LHPP: variants seen among roughly 807,000 people sequenced by gnomAD.
LHPP encodes the protein hLHPP.
Under a neutral mutation model 30.3 loss-of-function variants are expected in LHPP, and 24 were observed. That is an observed-to-expected ratio of 0.79 (90% CI 0.57 to 1.11). The LOEUF is 1.11. LHPP is among the 50% of genes most tolerant of loss of function. The probability of loss-of-function intolerance (pLI) is 0.00; values close to 1 mark genes in which losing one functional copy is unlikely to be tolerated. For synonymous variants in LHPP, 150 were observed against 157.1 expected (o/e 0.95, Z 0.34); for missense variants, 356 against 367.2 (o/e 0.97, Z 0.25).
chr10:124,490,541 T>C, intron 3 of LHPP: 1 of 352,974 alleles, frequency 2.8e-6, no homozygotes. Context: ...AAAAAGGAGT[T>C]CATAAATAGC....
intron 6 of LHPP, among the ~76,000 whole-genome samples, chr10:124,545,796 G>T (rs1049826579): frequency 1.3e-5 from 2 of 152,164 alleles, no homozygotes; most frequent in African/African-American, 4.8e-5. Context: ...GGCATAATTT[G>T]GGTCTGTAAA....
intron 2 of LHPP, among the ~76,000 whole-genome samples, chr10:124,485,140 G>A (rs866387254): frequency 6.6e-6 from 1 of 151,948 alleles, no homozygotes; most frequent in Non-Finnish European, 1.5e-5. Flanking sequence ...CCTAGATGTC[G>A]ACTTCATAGC....
chr10:124,476,918 A>G (rs1369543829), intron 1 of LHPP, among the ~76,000 whole-genome samples: 2 of 152,154 alleles, frequency 1.3e-5, no homozygotes, highest in African/African-American at 4.8e-5. Flanking sequence ...TATTAAAAAC[A>G]TTTCAAGGCC....
intron 5 of LHPP, among the ~76,000 whole-genome samples, chr10:124,509,198 A>G (rs960321655): frequency 2.0e-5 from 3 of 152,184 alleles, no homozygotes; most frequent in Admixed American, 6.5e-5. Context: ...TGCAAACGAC[A>G]TGACCTTGTT....
At chr10:124,552,733 C>T (rs750632568) in intron 6 of LHPP, among the ~76,000 whole-genome samples, 14 of 152,176 alleles carry the variant, frequency 9.2e-5, no homozygotes, top group Non-Finnish European at 2.1e-4. Context: ...CCAAGGTCCC[C>T]GCCTGCAAAG....
intron 6 of LHPP, among the ~76,000 whole-genome samples, chr10:124,579,246 C>T (rs1224518759): frequency 6.6e-6 from 1 of 152,248 alleles, no homozygotes; most frequent in Non-Finnish European, 1.5e-5. Context: ...GGGCGCTGGC[C>T]AGTCTGAGTC....
At chr10:124,588,274 C>T (rs1312880801) in intron 6 of LHPP, among the ~76,000 whole-genome samples, 1 of 148,764 alleles carries the variant, frequency 6.7e-6, no homozygotes, top group African/African-American at 2.6e-5. Context: ...GGAGCAGCCA[C>T]TTATGCTTTT....
chr10:124,518,868 C>T (rs936871707), intron 6 of LHPP, among the ~76,000 whole-genome samples: 2 of 152,228 alleles, frequency 1.3e-5, no homozygotes, highest in African/African-American at 4.8e-5. Context: ...TACCTGCATG[C>T]TATTTAAAGA....
rs568945384 is a variant in LHPP, at chr10:124,477,788, G to T, written c.126-6351G>T. On this transcript the variant is annotated intron_variant, in intron 1 of 6. Coordinates refer to ENST00000368842, the MANE Select transcript of LHPP (RefSeq NM_022126.4). ...ATTTCTCAAATTCCAGCCTCACTTT[G>T]TGGGCCAGGCAGCCCTTCTGACCTA... Among the ~76,000 whole-genome samples, 247 of 152,304 alleles carry T rather than the reference G, an allele frequency of 1.6e-3. 1 individual carries two copies. Among genetic ancestry groups the T allele is most frequent in the Non-Finnish European group, 3.1e-3 (214 of 68,018 alleles).
chr10:124,548,452 TGCG>T (rs1182509072), intron 6 of LHPP, among the ~76,000 whole-genome samples: 3 of 152,186 alleles, frequency 2.0e-5, no homozygotes, highest in African/African-American at 7.2e-5. Flanking sequence ...GATTTTTGTC[TGCG>T]GTGCATAATC....
chr10:124,573,957 AC>A (rs1948621856), intron 6 of LHPP, among the ~76,000 whole-genome samples: 2 of 151,782 alleles, frequency 1.3e-5, no homozygotes, highest in East Asian at 3.9e-4. Context: ...TCAAAAAGCC[AC>A]CCCCACAGCC....
intron 5 of LHPP, among the ~76,000 whole-genome samples, chr10:124,515,140 G>C (rs752172321): frequency 5.3e-4 from 80 of 152,144 alleles, no homozygotes; most frequent in Non-Finnish European, 1.1e-3. Flanking sequence ...GTGTACATCA[G>C]GCCGCTTGAA....
At chr10:124,499,304 G>A (rs1486126605) in intron 5 of LHPP, among the ~76,000 whole-genome samples, 1 of 147,504 alleles carries the variant, frequency 6.8e-6, no homozygotes, top group Non-Finnish European at 1.5e-5. Flanking sequence ...ACAGGCATGA[G>A]CCACCAACAC....
At chr10:124,600,775 C>T (rs544324075) in intron 6 of LHPP, among the ~76,000 whole-genome samples, 4 of 152,312 alleles carry the variant, frequency 2.6e-5, no homozygotes, top group East Asian at 3.9e-4. Context: ...CTAGGAGGGC[C>T]GAGGCTCACA....
intron 1 of LHPP, among the ~76,000 whole-genome samples, chr10:124,474,896 C>T (rs1952893873): frequency 6.6e-6 from 1 of 152,158 alleles, no homozygotes; most frequent in Non-Finnish European, 1.5e-5. Flanking sequence ...GCCTCCTTCC[C>T]AGGGCACCTG....
chr10:124,547,886 T>C (rs1014336032), intron 6 of LHPP, among the ~76,000 whole-genome samples: 13 of 152,160 alleles, frequency 8.5e-5, no homozygotes, highest in African/African-American at 3.1e-4. Context: ...TAACAGTGAG[T>C]GGAGGTGGGT....
rs1362225586 is a variant in LHPP at position 124,496,516 on chromosome 10, T to A, written c.468-445T>A. Among the ~76,000 whole-genome samples, 2 of 152,192 alleles carry A rather than the reference T, an allele frequency of 1.3e-5. No homozygotes were observed. The highest frequency in any genetic ancestry group is 2.9e-5 in the Non-Finnish European group (2 of 68,030). On this transcript the variant is annotated intron_variant, in intron 3 of 6. Transcript: ENST00000368842. The surrounding 1 kb of genome is among the most constrained non-coding windows in gnomAD (Gnocchi z 4.3). ...CAGGGTGCTGTGGAACTAATGGAGTTCTCTTCTTCAGCCAGCAATTAGGGG... is the reference window on the plus strand; with the variant it reads ...CAGGGTGCTGTGGAACTAATGGAGTACTCTTCTTCAGCCAGCAATTAGGGG...
intron 1 of LHPP, among the ~76,000 whole-genome samples, chr10:124,470,681 C>CAATAATAATAATAAT (rs71026092): frequency 6.6e-6 from 1 of 150,776 alleles, no homozygotes; most frequent in African/African-American, 2.5e-5. Context: ...ACAACAACAA[C>CAATAATAATAATAAT]AATAATAATA....
At chr10:124,489,638 G>T (rs564473359) in intron 3 of LHPP, among the ~76,000 whole-genome samples, 38 of 152,210 alleles carry the variant, frequency 2.5e-4, no homozygotes, top group African/African-American at 8.2e-4. Flanking sequence ...ATTTTTGGTA[G>T]AGGCGGGGTT....
Sources: allele counts gnomAD v4.1 joint callset (sites outside exome capture counted in the v4.1 genomes callset), GRCh38; gene constraint gnomAD v4.1.1; non-coding constraint Gnocchi (gnomAD v3.1); transcripts MANE v1.5; gene names NCBI Gene and HGNC (gene_info 2026-07-23, HGNC 2026-07-21).